The following SOCS7 variants were observed in gnomAD, a reference collection of about 807,000 sequenced individuals.
SOCS7 encodes NAP-4.
A neutral mutation model predicts 58.9 loss-of-function variants in SOCS7; 18 were observed. The observed-to-expected ratio is 0.31, with a 90% CI of 0.21 to 0.45. The LOEUF (loss-of-function observed/expected upper bound fraction) is 0.45, where lower values mean the gene tolerates loss of function less well. SOCS7 is among the 20% of genes least tolerant of loss of function. SOCS7 has a pLI of 1.00. For missense variants in SOCS7, 667 were observed against 837.3 expected (o/e 0.80, Z 2.51); for synonymous variants, 388 against 364.3 (o/e 1.06, Z -0.74).
At chr17:38,374,357 G>C (rs2037905166) in intron 6 of SOCS7, among the ~76,000 whole-genome samples, 1 of 152,232 alleles carries the variant, frequency 6.6e-6, no homozygotes, top group South Asian at 2.1e-4. Flanking sequence ...GGGCAACGTG[G>C]TGAAACCACA....
At position 38,402,681 on chromosome 17, in the gene SOCS7, G is replaced by A. The variant is rs1450370412; in HGVS notation, c.*3199G>A. The A allele has an allele frequency of 2.6e-5, 4 of 152,250 alleles. No homozygotes were observed. Among genetic ancestry groups the A allele is most frequent in the African/African-American group, 9.7e-5 (4 of 41,446 alleles). 9.4% of individuals were successfully genotyped at this position (152,250 alleles called of 1,614,324 possible). On this transcript the variant is annotated 3_prime_UTR_variant, in exon 10 of 10. Coordinates refer to ENST00000612932, the MANE Select transcript of SOCS7 (RefSeq NM_014598.4). ...GGAGGCGGAGGTTGCACTGAGCCGA[G>A]ATTGCGCCACTGCCCTCTAGCCTAG...
intron 6 of SOCS7, among the ~76,000 whole-genome samples, chr17:38,371,049 G>A (rs2037857120): frequency 6.6e-6 from 1 of 152,142 alleles, no homozygotes; most frequent in Admixed American, 6.6e-5. Flanking sequence ...TGTAAGAGTA[G>A]GTAGAGAGAC....
At chr17:38,380,496 G>A (rs2037986868) in intron 7 of SOCS7, among the ~76,000 whole-genome samples, 1 of 151,860 alleles carries the variant, frequency 6.6e-6, no homozygotes, top group African/African-American at 2.4e-5. Context: ...CAGGTGTGGT[G>A]GTGCACGCCT....
chr17:38,387,102 A>AAAT (rs1244894607), intron 7 of SOCS7, among the ~76,000 whole-genome samples: 30 of 51,138 alleles, frequency 5.9e-4, no homozygotes, highest in Non-Finnish European at 8.8e-4. Context: ...AAAAAAAAAA[A>AAAT]ATATATATAT....
chr17:38,374,828 A>G (rs1196530642), intron 6 of SOCS7, among the ~76,000 whole-genome samples: 2 of 152,250 alleles, frequency 1.3e-5, no homozygotes, highest in African/African-American at 4.8e-5. Flanking sequence ...ATGTCAGGCA[A>G]TCTGGCAGAA....
At chr17:38,365,247 C>T in intron 3 of SOCS7, 61 bp from the exon 4 acceptor site, 1 of 1,300,756 alleles carries the variant, frequency 7.7e-7, no homozygotes, top group Non-Finnish European at 1.1e-6. Context: ...TCTCCTCTGC[C>T]TTCAGCGTGC....
chr17:38,402,637 G>A lies in SOCS7; in HGVS notation c.*3155G>A, dbSNP rs923545645. The A allele has an allele frequency of 6.6e-6, 1 of 152,326 alleles. No homozygotes were observed. The highest frequency in any genetic ancestry group is 1.5e-5 in the Non-Finnish European group (1 of 68,134). The allele number at this position is 152,326 out of a possible 1,614,324, so 9.4% of individuals were successfully genotyped here. ...CCCAGCTACTTGGGAGGCTGAGACA[G>A]GAGAATTGCTTGAACCCAGGAGGCG... On this transcript the variant is annotated 3_prime_UTR_variant, in exon 10 of 10. Coordinates refer to ENST00000612932, the MANE Select transcript of SOCS7 (RefSeq NM_014598.4).
intron 7 of SOCS7, among the ~76,000 whole-genome samples, chr17:38,386,866 A>G (rs1356009047): frequency 6.6e-6 from 1 of 151,112 alleles, no homozygotes; most frequent in Non-Finnish European, 1.5e-5. Flanking sequence ...TGGGCGGATC[A>G]TGAGGTCAGG....
intron 1 of SOCS7, among the ~76,000 whole-genome samples, chr17:38,357,911 A>G (rs183239099): frequency 7.2e-5 from 11 of 152,314 alleles, no homozygotes; most frequent in African/African-American, 2.4e-4. Context: ...GGTTACATCT[A>G]TGTGTTGTTG....
intron 6 of SOCS7, among the ~76,000 whole-genome samples, chr17:38,372,146 A>G (rs145317601): frequency 1.5e-3 from 221 of 152,196 alleles, no homozygotes; most frequent in African/African-American, 5.0e-3. Context: ...TTTTTTGGAG[A>G]TTTGTGACAA....
At chr17:38,364,104 T>C (rs1555567936) in intron 2 of SOCS7, among the ~76,000 whole-genome samples, 1 of 152,224 alleles carries the variant, frequency 6.6e-6, no homozygotes, top group African/African-American at 2.4e-5. Context: ...CCTCTTAGAT[T>C]ACCTGACTTT....
At chr17:38,379,807 ACT>A (rs2037978827) in intron 7 of SOCS7, among the ~76,000 whole-genome samples, 1 of 152,102 alleles carries the variant, frequency 6.6e-6, no homozygotes, top group Admixed American at 6.6e-5. Flanking sequence ...ATAGGAGTTG[ACT>A]CTGCTTAGCA....
intron 6 of SOCS7, among the ~76,000 whole-genome samples, chr17:38,372,104 C>T (rs2037876117): frequency 6.6e-6 from 1 of 152,010 alleles, no homozygotes; most frequent in Non-Finnish European, 1.5e-5. Context: ...TCTGCTTATA[C>T]ATGGATTTTA....
At chr17:38,385,766 T>C (rs2085733779) in intron 7 of SOCS7, among the ~76,000 whole-genome samples, 1 of 152,222 alleles carries the variant, frequency 6.6e-6, no homozygotes, top group African/African-American at 2.4e-5. Flanking sequence ...TATTGAATAA[T>C]TGGGCTGTTT....
chr17:38,358,163 C>A lies in SOCS7; in HGVS notation c.981-3548C>A, dbSNP rs587750411. Reference sequence around the variant, plus strand: ...AATGCTATTCTTTCCCACCCTACTCCTCCAGTCTTTGTTGCTGCTAAGATG... The same window carrying A: ...AATGCTATTCTTTCCCACCCTACTCATCCAGTCTTTGTTGCTGCTAAGATG... On this transcript the variant is annotated intron_variant, in intron 1 of 9. Transcript: ENST00000612932. Among the ~76,000 whole-genome samples the A allele has an allele frequency of 2.0e-5, 3 of 152,318 alleles. No homozygotes were observed. In the South Asian group the frequency reaches 6.2e-4, roughly 32 times the overall value.
intron 6 of SOCS7, among the ~76,000 whole-genome samples, chr17:38,369,299 C>T (rs535379239): frequency 3.9e-5 from 6 of 152,308 alleles, no homozygotes; most frequent in Non-Finnish European, 7.3e-5. Flanking sequence ...CCACTCAGCC[C>T]ACACTGCATC....
At chr17:38,381,126 T>C (rs1449983858) in intron 7 of SOCS7, among the ~76,000 whole-genome samples, 1 of 152,094 alleles carries the variant, frequency 6.6e-6, no homozygotes, top group Non-Finnish European at 1.5e-5. Context: ...GGTAGAACCA[T>C]GTTTACTGGG....
chr17:38,373,942 C>T (rs920906548), intron 6 of SOCS7, among the ~76,000 whole-genome samples: 31 of 152,334 alleles, frequency 2.0e-4, no homozygotes, highest in African/African-American at 6.0e-4. Context: ...CATAGTTGAC[C>T]GGGTGGAGTG....
At chr17:38,365,265 G>A (rs754037792) in intron 3 of SOCS7, 43 bp from the exon 4 acceptor site, 65 of 1,469,220 alleles carry the variant, frequency 4.4e-5, no homozygotes, top group Non-Finnish European at 5.9e-5. Flanking sequence ...TGCTCATTCT[G>A]TGCTCACATT....
Sources: allele counts gnomAD v4.1 joint callset (sites outside exome capture counted in the v4.1 genomes callset), GRCh38; gene constraint gnomAD v4.1.1; transcripts MANE v1.5; gene names NCBI Gene and HGNC (gene_info 2026-07-23, HGNC 2026-07-21).